CCDC175: variants seen among roughly 807,000 people sequenced by gnomAD.
The protein encoded by CCDC175 is coiled-coil domain-containing protein 175.
CCDC175 carries 100 observed loss-of-function variants against 114.6 expected under a neutral mutation model. The observed-to-expected ratio is 0.87, with a 90% CI of 0.74 to 1.03. The LOEUF (loss-of-function observed/expected upper bound fraction) is 1.03, where lower values mean the gene tolerates loss of function less well. Ranked by LOEUF, CCDC175 falls within the 50% of genes least tolerant of loss-of-function variation. The pLI, the probability that CCDC175 is intolerant of heterozygous loss-of-function variation, is 0.00. For synonymous variants in CCDC175, 306 were observed against 308.7 expected (o/e 0.99, Z 0.09); for missense variants, 880 against 917.8 (o/e 0.96, Z 0.53).
chr14:59,510,673 C>A lies in CCDC175; in HGVS notation c.2278G>T (p.Glu760Ter). The A allele has an allele frequency of 1.3e-6, 2 of 1,537,174 alleles. No individual in the cohort carries two copies. Among genetic ancestry groups the A allele is most frequent in the Non-Finnish European group, 1.7e-6 (2 of 1,146,856 alleles). The change falls in exon 19 of 20, where the codon GAA becomes TAA. Residue 760 changes from glutamate (E) to a stop codon, truncating the protein, a stop_gained. Transcript: ENST00000537690. LOFTEE classifies it low-confidence loss of function (END_TRUNC). ...GSLEGLRLLV[E>*]QESPMDLLKK... The stretch of plus-strand genomic sequence containing the variant: ...AGAAGGTCCATTGGTGATTCCTGTT[C>A]CACAAGCAAACGCAGCCCTTCAAGA...
intron 8 of CCDC175, among the ~76,000 whole-genome samples, chr14:59,549,747 A>C (rs1895349916): frequency 6.6e-6 from 1 of 150,652 alleles, no homozygotes; most frequent in Non-Finnish European, 1.5e-5. Context: ...GAAAAAGAAA[A>C]AAAAGAAAGA....
At chr14:59,533,608 TA>T (rs1894201004) in intron 13 of CCDC175, among the ~76,000 whole-genome samples, 1 of 152,148 alleles carries the variant, frequency 6.6e-6, no homozygotes, top group Non-Finnish European at 1.5e-5. Flanking sequence ...CTAAAATGCA[TA>T]GAAAAATACC....
chr14:59,519,245 A>T (rs1284683936), intron 17 of CCDC175, among the ~76,000 whole-genome samples: 1 of 152,208 alleles, frequency 6.6e-6, no homozygotes, highest in Admixed American at 6.5e-5. Flanking sequence ...TCAGCACACT[A>T]ACATGGCACA....
At chr14:59,517,734 A>T (rs922870437) in intron 17 of CCDC175, among the ~76,000 whole-genome samples, 1 of 152,184 alleles carries the variant, frequency 6.6e-6, no homozygotes, top group Non-Finnish European at 1.5e-5. Context: ...TCGTGAAAAC[A>T]GCCATACTGC....
chr14:59,545,681 T>G (rs533389049), intron 8 of CCDC175, among the ~76,000 whole-genome samples: 5 of 152,350 alleles, frequency 3.3e-5, no homozygotes, highest in Admixed American at 2.0e-4. Context: ...GATATTATGC[T>G]TGCTTCTTGT....
At chr14:59,521,701 CT>C in intron 16 of CCDC175, 25 bp from the exon 17 acceptor site, 1 of 1,295,848 alleles carries the variant, frequency 7.7e-7, no homozygotes, top group Non-Finnish European at 1.1e-6. Flanking sequence ...CATGTGATTG[CT>C]TTTAGCAGTT....
At chr14:59,569,065 G>A (rs375338952) in intron 3 of CCDC175, among the ~76,000 whole-genome samples, 2 of 152,202 alleles carry the variant, frequency 1.3e-5, no homozygotes, top group East Asian at 1.9e-4. Flanking sequence ...TAAATAATAA[G>A]TCAGTGTAAT....
chr14:59,558,337 G>A (rs549765155), intron 7 of CCDC175, among the ~76,000 whole-genome samples: 3 of 152,294 alleles, frequency 2.0e-5, no homozygotes, highest in Admixed American at 6.5e-5. Flanking sequence ...GGATGACTCT[G>A]GTTACTTTGT....
At chr14:59,507,086 T>A (rs1892466158) in intron 19 of CCDC175, among the ~76,000 whole-genome samples, 1 of 152,186 alleles carries the variant, frequency 6.6e-6, no homozygotes, top group Non-Finnish European at 1.5e-5. Flanking sequence ...AGAAATAAAA[T>A]TAAGGCAAAA....
intron 11 of CCDC175, among the ~76,000 whole-genome samples, chr14:59,539,720 C>G (rs1030772843): frequency 1.3e-5 from 2 of 152,044 alleles, no homozygotes; most frequent in African/African-American, 4.8e-5. Context: ...TTGAGAGCAG[C>G]GTGGCCAACA....
At chr14:59,526,925 C>T (rs1398079936) in intron 15 of CCDC175, among the ~76,000 whole-genome samples, 170 bp downstream of exon 15, 1 of 152,100 alleles carries the variant, frequency 6.6e-6, no homozygotes, top group Non-Finnish European at 1.5e-5. Context: ...TATGTGTATA[C>T]ATGTGCATAT....
intron 11 of CCDC175, among the ~76,000 whole-genome samples, chr14:59,539,431 T>G (rs1894623675): frequency 6.6e-6 from 1 of 151,380 alleles, no homozygotes; most frequent in Non-Finnish European, 1.5e-5. Context: ...TACAAACAAA[T>G]TAGCCAGGTG....
At chr14:59,544,419 G>A (rs1894978782) in intron 9 of CCDC175, among the ~76,000 whole-genome samples, 1 of 152,132 alleles carries the variant, frequency 6.6e-6, no homozygotes, top group Admixed American at 6.5e-5. Context: ...GCTCAGAGAA[G>A]TTTATAGTCT....
intron 3 of CCDC175, among the ~76,000 whole-genome samples, chr14:59,570,096 C>G (rs1428310793): frequency 6.6e-6 from 1 of 152,128 alleles, no homozygotes; most frequent in African/African-American, 2.4e-5. Context: ...TGCTTCAGAA[C>G]TCACTACAAA....
rs192890687 is a variant in CCDC175 at position 59,515,910 on chromosome 14, G to T, written c.2099-4107C>A. Among the ~76,000 whole-genome samples, 977 of 152,218 alleles carry T rather than the reference G, an allele frequency of 6.4e-3. 30 individuals carry two copies. Among genetic ancestry groups the T allele is most frequent in the Admixed American group, 0.054 (819 of 15,278 alleles). ...CACTTATTCCAAAATTGACCACATAGTTGGAACTAAAGCACTCCTCAGCAA... is the reference window on the plus strand; with the variant it reads ...CACTTATTCCAAAATTGACCACATATTTGGAACTAAAGCACTCCTCAGCAA... On this transcript the variant is annotated intron_variant, in intron 17 of 19. Transcript: ENST00000537690.
intron 16 of CCDC175, among the ~76,000 whole-genome samples, chr14:59,521,926 T>C (rs1241792373): frequency 1.8e-4 from 27 of 152,218 alleles, no homozygotes; most frequent in Admixed American, 1.8e-3. Context: ...AGTATAATTT[T>C]CCACCAAAAG....
intron 8 of CCDC175, chr14:59,551,076 AT>A (rs1895444066): frequency 4.5e-6 from 1 of 220,830 alleles, no homozygotes; most frequent in Non-Finnish European, 8.8e-6. Flanking sequence ...CACATCAAAA[AT>A]ATCCATTAAT....
chr14:59,513,704 G>A (rs1892883671), intron 17 of CCDC175, among the ~76,000 whole-genome samples: 1 of 152,186 alleles, frequency 6.6e-6, no homozygotes, highest in African/African-American at 2.4e-5. Flanking sequence ...GCAGCTCAAG[G>A]AGGCCTGCCT....
At chr14:59,554,370 G>A (rs1895732781) in intron 7 of CCDC175, among the ~76,000 whole-genome samples, 1 of 152,130 alleles carries the variant, frequency 6.6e-6, no homozygotes, top group South Asian at 2.1e-4. Flanking sequence ...TGACTACTGG[G>A]TACACAATGA....
Sources: gnomAD v4.1 joint callset for allele counts (sites outside exome capture counted in the v4.1 genomes callset) on GRCh38, gnomAD v4.1.1 for gene constraint, MANE v1.5 for transcripts, NCBI Gene and HGNC (gene_info 2026-07-23, HGNC 2026-07-21) for gene names.